The following LRP1B variants were observed in gnomAD, a reference collection of about 807,000 sequenced individuals.
LRP1B encodes the protein low-density lipoprotein receptor-related protein 1B.
LRP1B carries 217 observed loss-of-function variants against 556.6 expected under a neutral mutation model. The observed-to-expected ratio is 0.39, with a 90% CI of 0.35 to 0.44. LRP1B has a LOEUF of 0.44. Ranked by LOEUF, LRP1B falls within the 20% of genes least tolerant of loss-of-function variation. The probability of loss-of-function intolerance (pLI) is 1.00; values close to 1 mark genes in which losing one functional copy is unlikely to be tolerated. For synonymous variants in LRP1B, 2,047 were observed against 1,865.8 expected (o/e 1.10, Z -2.50); for missense variants, 5,053 against 5,620.8 (o/e 0.90, Z 3.23).
chr2:141,874,806 A>G (rs1698703586), intron 1 of LRP1B, among the ~76,000 whole-genome samples: 1 of 152,002 alleles, frequency 6.6e-6, no homozygotes, highest in Non-Finnish European at 1.5e-5. Context: ...GGGATTAAAA[A>G]GACACTTTTA....
intron 2 of LRP1B, among the ~76,000 whole-genome samples, chr2:141,628,916 C>A (rs1486908964): frequency 6.6e-6 from 1 of 151,986 alleles, no homozygotes; most frequent in Non-Finnish European, 1.5e-5. Context: ...TTCCAAAGTG[C>A]AGAAATACAG....
chr2:140,566,848 A>G (rs1045563497), intron 43 of LRP1B, among the ~76,000 whole-genome samples: 3 of 152,116 alleles, frequency 2.0e-5, no homozygotes, highest in African/African-American at 7.2e-5. Context: ...CCTGACTCCT[A>G]TGAAATGGGG....
At chr2:140,257,640 A>G (rs1190498857) in intron 86 of LRP1B, among the ~76,000 whole-genome samples, 1 of 152,170 alleles carries the variant, frequency 6.6e-6, no homozygotes, top group African/African-American at 2.4e-5. Flanking sequence ...TAGAATCATA[A>G]AGGATAGACA....
chr2:141,315,692 A>G (rs1687003684), intron 3 of LRP1B, among the ~76,000 whole-genome samples: 1 of 152,000 alleles, frequency 6.6e-6, no homozygotes, highest in South Asian at 2.1e-4. Flanking sequence ...GAACTAACAG[A>G]AGATTCTCTG....
intron 3 of LRP1B, among the ~76,000 whole-genome samples, chr2:141,422,477 A>G (rs1454351335): frequency 6.6e-6 from 1 of 152,200 alleles, no homozygotes; most frequent in African/African-American, 2.4e-5. Context: ...ATTTTAGAAA[A>G]CTTAGAAATA....
intron 68 of LRP1B, among the ~76,000 whole-genome samples, chr2:140,377,216 T>TA (rs1210554359): frequency 6.6e-6 from 1 of 152,090 alleles, no homozygotes; most frequent in East Asian, 1.9e-4. Flanking sequence ...GCTGGGACTA[T>TA]AGGCGTGCAC....
At chr2:141,501,413 C>T (rs749238035) in intron 2 of LRP1B, among the ~76,000 whole-genome samples, 27 of 152,056 alleles carry the variant, frequency 1.8e-4, no homozygotes, top group Non-Finnish European at 3.2e-4. Context: ...AAGGAGAAAT[C>T]ATAGTATACT....
intron 1 of LRP1B, among the ~76,000 whole-genome samples, chr2:141,902,943 G>C (rs1316025541): frequency 6.6e-6 from 1 of 151,812 alleles, no homozygotes; most frequent in Non-Finnish European, 1.5e-5. Flanking sequence ...TAAAAAGTAG[G>C]CTAACTTTTA....
At chr2:141,320,264 C>T (rs895640734) in intron 3 of LRP1B, among the ~76,000 whole-genome samples, 1 of 151,994 alleles carries the variant, frequency 6.6e-6, no homozygotes, top group Non-Finnish European at 1.5e-5. Context: ...TTTCTTACTT[C>T]ATTGTGATTA....
intron 15 of LRP1B, among the ~76,000 whole-genome samples, chr2:140,999,240 T>G (rs1558791411): frequency 6.6e-6 from 1 of 152,224 alleles, no homozygotes; most frequent in East Asian, 1.9e-4. Context: ...GCAGGCTATA[T>G]TAGAAGATAT....
intron 3 of LRP1B, among the ~76,000 whole-genome samples, chr2:141,336,885 C>A (rs533850296): frequency 6.0e-4 from 91 of 152,198 alleles, no homozygotes; most frequent in African/African-American, 2.2e-3. Flanking sequence ...CAGTTTATTA[C>A]TTTTATTTGT....
Position 141,570,374 on chromosome 2 carries a change from C to A in LRP1B, c.206-89841G>T, listed in dbSNP as rs569352891. 4.6e-5 allele frequency among the ~76,000 whole-genome samples: 7 copies of A among 151,034 alleles called. No individual in the cohort carries two copies. In the East Asian group the frequency reaches 1.4e-3, roughly 29 times the overall value. ...GGCAGTGAGTGAGCGTGCTACCCAG[C>A]CAGAGAAACTGTGCTTTTTCCACAG... On this transcript the variant is annotated intron_variant, in intron 2 of 90. Transcript: ENST00000389484.
chr2:141,841,023 T>G (rs564920626), intron 1 of LRP1B, among the ~76,000 whole-genome samples: 1 of 152,210 alleles, frequency 6.6e-6, no homozygotes, highest in East Asian at 1.9e-4. Context: ...TTATGAGGTA[T>G]ATGGCCTCAG....
rs187537977 is a variant in LRP1B at position 141,775,370 on chromosome 2, C to T, written c.205+34909G>A. On this transcript the variant is annotated intron_variant, in intron 2 of 90. Coordinates refer to ENST00000389484, the MANE Select transcript of LRP1B (RefSeq NM_018557.3). ...ACATTTGTAAATTTACTTCAGCTTT[C>T]CTTATTTTCATATATATGTGTGGTT... Among the ~76,000 whole-genome samples the T allele has an allele frequency of 3.4e-4, 52 of 152,284 alleles. 1 individual carries two copies. In the East Asian group the frequency reaches 3.5e-3, roughly 10 times the overall value.
At chr2:141,657,772 C>T (rs987327251) in intron 2 of LRP1B, among the ~76,000 whole-genome samples, 3 of 152,066 alleles carry the variant, frequency 2.0e-5, no homozygotes, top group African/African-American at 7.2e-5. Flanking sequence ...GACAGTTGAT[C>T]AATCTATAGT....
chr2:141,763,859 T>A (rs1694643146), intron 2 of LRP1B, among the ~76,000 whole-genome samples: 1 of 148,510 alleles, frequency 6.7e-6, no homozygotes, highest in African/African-American at 2.5e-5. Flanking sequence ...TGATTTCAAG[T>A]ATATAAAAAG....
At position 141,349,012 on chromosome 2, in the gene LRP1B, T is replaced by G. The variant is rs908498509; in HGVS notation, c.344-94371A>C. On this transcript the variant is annotated intron_variant, in intron 3 of 90. Transcript: ENST00000389484. ...TGATTGTGAGGCTTCCCCAGCCACA[T>G]GGAACTCTAAGTCCATTAAACCCTT... Among the ~76,000 whole-genome samples, 65 of 152,224 alleles carry G rather than the reference T, an allele frequency of 4.3e-4. 1 individual carries two copies. Among genetic ancestry groups the G allele is most frequent in the African/African-American group, 1.3e-3 (53 of 41,500 alleles).
chr2:140,952,172 T>C (rs1325585365), intron 18 of LRP1B, among the ~76,000 whole-genome samples: 2 of 152,202 alleles, frequency 1.3e-5, no homozygotes, highest in African/African-American at 4.8e-5. Flanking sequence ...AGGAGAATTA[T>C]TTTATGAAGG....
chr2:140,233,876 T>C (rs1680577790), intron 90 of LRP1B, among the ~76,000 whole-genome samples: 1 of 151,330 alleles, frequency 6.6e-6, no homozygotes, highest in African/African-American at 2.4e-5. Context: ...TTATTAGAAA[T>C]ATTTTTGGAC....
Sources: gnomAD v4.1 joint callset for allele counts (sites outside exome capture counted in the v4.1 genomes callset) on GRCh38, gnomAD v4.1.1 for gene constraint, MANE v1.5 for transcripts, NCBI Gene and HGNC (gene_info 2026-07-23, HGNC 2026-07-21) for gene names.